The following KCNQ2 variants were observed in gnomAD, a reference collection of about 807,000 sequenced individuals.
The protein encoded by KCNQ2 is potassium voltage-gated channel subfamily KQT member 2.
Under a neutral mutation model 84.8 loss-of-function variants are expected in KCNQ2, and 14 were observed. The observed-to-expected ratio is 0.17, with a 90% CI of 0.11 to 0.26. KCNQ2 has a LOEUF of 0.26. KCNQ2 is among the 10% of genes least tolerant of loss of function. The pLI is 1.00. For missense variants in KCNQ2, 788 were observed against 1,254.0 expected (o/e 0.63, Z 5.61); for synonymous variants, 599 against 554.1 (o/e 1.08, Z -1.14).
intron 7 of KCNQ2, among the ~76,000 whole-genome samples, chr20:63,435,008 A>T (rs111804929): frequency 0.012 from 1,860 of 152,292 alleles, 40 homozygotes; most frequent in African/African-American, 0.043. Flanking sequence ...CTGAGAAACA[A>T]CCGAACTGCT....
chr20:63,441,358 C>T (rs1041291157), intron 5 of KCNQ2, among the ~76,000 whole-genome samples: 10 of 151,854 alleles, frequency 6.6e-5, no homozygotes, highest in African/African-American at 2.4e-4. Context: ...CAGGTAAACC[C>T]CAAAGAAAAA....
chr20:63,466,718 T>TGGCCAGTCTCAGGATGACGCCCCC (rs2082092326), intron 1 of KCNQ2: 1 of 152,240 alleles, frequency 6.6e-6, no homozygotes, highest in Non-Finnish European at 1.5e-5. Context: ...AGCCCGACGC[T>TGGCCAGTCTCAGGATGACGCCCCC]GGCCAGTCTC....
intron 11 of KCNQ2, among the ~76,000 whole-genome samples, chr20:63,421,640 A>G (rs1378348759): frequency 6.6e-6 from 1 of 152,002 alleles, no homozygotes; most frequent in African/African-American, 2.4e-5. Flanking sequence ...ATGCACCAAA[A>G]ACACGCGGAC....
chr20:63,412,940 A>T (rs1238467606), intron 15 of KCNQ2, among the ~76,000 whole-genome samples: 2 of 152,184 alleles, frequency 1.3e-5, no homozygotes, highest in African/African-American at 2.4e-5. Context: ...TATGCCAAGG[A>T]GGGCAGGTAG....
rs973781548 is a variant in KCNQ2 at position 63,451,006 on chromosome 20, C to CG, written c.297-4170dup. On this transcript the variant is annotated intron_variant, in intron 1 of 16. Transcript: ENST00000359125. ...TACAAAAATTAGCCAGGCATGGTGG[C>CG]GCAGGTCTGTAATCCCAGCTACTTG... 2.8e-4 allele frequency among the ~76,000 whole-genome samples: 43 copies of CG among 151,854 alleles called. 1 individual carries two copies. Among genetic ancestry groups the CG allele is most frequent in the Admixed American group, 2.8e-3 (42 of 15,250 alleles).
intron 9 of KCNQ2, among the ~76,000 whole-genome samples, chr20:63,430,001 C>T (rs2080746088): frequency 6.6e-6 from 1 of 152,198 alleles, no homozygotes; most frequent in African/African-American, 2.4e-5. Context: ...GTGTTGTGGG[C>T]GCAGCAGAGC....
intron 15 of KCNQ2, among the ~76,000 whole-genome samples, chr20:63,410,749 G>A (rs1353324004): frequency 1.3e-5 from 2 of 152,206 alleles, no homozygotes; most frequent in Non-Finnish European, 2.9e-5. Flanking sequence ...AGAGGGAGGA[G>A]GGGTCAGACT....
intron 8 of KCNQ2, among the ~76,000 whole-genome samples, chr20:63,433,290 T>G (rs776242828): frequency 1.3e-5 from 2 of 152,196 alleles, no homozygotes; most frequent in Non-Finnish European, 2.9e-5. Flanking sequence ...CTCTGTCCTG[T>G]TGGGGAACAC....
At position 63,408,366 on chromosome 20, in the gene KCNQ2, C is replaced by A; in HGVS notation, c.1887+47G>T. ...CACACTGCCACAGGTTGACGGCAGG[C>A]ACCACAGCCCTCCAGCCCCGCACCC... On this transcript the variant is annotated intron_variant, in intron 16 of 16. Transcript: ENST00000359125. The surrounding 1 kb of genome is among the most constrained non-coding windows in gnomAD (Gnocchi z 5.0). 2.5e-6 allele frequency: 4 copies of A among 1,598,308 alleles called. No individual in the cohort carries two copies. Among genetic ancestry groups the A allele is most frequent in the Non-Finnish European group, 2.5e-6 (3 of 1,177,574 alleles).
chr20:63,443,135 T>G (rs202138944), intron 4 of KCNQ2, among the ~76,000 whole-genome samples: 1 of 54,370 alleles, frequency 1.8e-5, no homozygotes, highest in Non-Finnish European at 3.7e-5. Flanking sequence ...ACCACCACCA[T>G]CATCACCACC....
chr20:63,441,572 A>G (rs1457469947), intron 5 of KCNQ2, among the ~76,000 whole-genome samples: 1 of 152,138 alleles, frequency 6.6e-6, no homozygotes. Context: ...TGTCCCCATC[A>G]AAAGTCCTAG....
intron 1 of KCNQ2, chr20:63,447,494 G>C (rs1228029947): frequency 6.5e-6 from 1 of 152,896 alleles, no homozygotes; most frequent in Non-Finnish European, 1.5e-5. Flanking sequence ...CACGTCCCAC[G>C]CGATTACCTC....
chr20:63,432,025 G>C lies in KCNQ2; in HGVS notation c.1119-656C>G, dbSNP rs113543929. Among the ~76,000 whole-genome samples, 17 of 148,526 alleles carry C rather than the reference G, an allele frequency of 1.1e-4. No homozygotes were observed. The South Asian group carries it at 1.5e-3, about 13-fold the overall frequency. On this transcript the variant is annotated intron_variant, in intron 8 of 16. Coordinates refer to ENST00000359125, the MANE Select transcript of KCNQ2 (RefSeq NM_172107.4). ...AGGGAAGGCCCCATCCACAGGGAAG[G>C]CTCCACCCTCAGGGAAGGATCCACC... is the stretch of plus-strand genomic sequence containing the variant.
chr20:63,430,103 C>T (rs571524790), intron 9 of KCNQ2, among the ~76,000 whole-genome samples: 2 of 152,356 alleles, frequency 1.3e-5, no homozygotes, highest in South Asian at 4.1e-4. Flanking sequence ...GTGAGAGACA[C>T]ACACGTCAGC....
At chr20:63,419,255 ATCC>A (rs147787815) in intron 12 of KCNQ2, among the ~76,000 whole-genome samples, 16,512 of 152,198 alleles carry the variant, frequency 0.11, 985 homozygotes, top group Middle Eastern at 0.17. Flanking sequence ...AGGCTCAGTC[ATCC>A]TCAGGTACGC....
At chr20:63,441,208 G>A (rs2081152475) in intron 5 of KCNQ2, among the ~76,000 whole-genome samples, 1 of 149,342 alleles carries the variant, frequency 6.7e-6, no homozygotes, top group Non-Finnish European at 1.5e-5. Flanking sequence ...GTGAGGGCGG[G>A]GTTCCCCCCA....
At chr20:63,448,863 C>T (rs1024608918) in intron 1 of KCNQ2, among the ~76,000 whole-genome samples, 1 of 152,136 alleles carries the variant, frequency 6.6e-6, no homozygotes, top group Non-Finnish European at 1.5e-5. Context: ...ACTGGTCACG[C>T]CCCCTCATCA....
intron 1 of KCNQ2, among the ~76,000 whole-genome samples, chr20:63,458,300 C>T (rs985504507): frequency 6.6e-6 from 1 of 152,200 alleles, no homozygotes; most frequent in South Asian, 2.1e-4. Context: ...AGGCGAGCCC[C>T]AGGCCCTGAA....
At chr20:63,451,326 G>A (rs1437562871) in intron 1 of KCNQ2, among the ~76,000 whole-genome samples, 9 of 152,038 alleles carry the variant, frequency 5.9e-5, no homozygotes, top group Admixed American at 2.0e-4. Flanking sequence ...TCTGTCTTGT[G>A]TCTTTTTCCT....
Sources: allele counts gnomAD v4.1 joint callset (sites outside exome capture counted in the v4.1 genomes callset), GRCh38; gene constraint gnomAD v4.1.1; non-coding constraint Gnocchi (gnomAD v3.1); transcripts MANE v1.5; gene names NCBI Gene and HGNC (gene_info 2026-07-23, HGNC 2026-07-21).